Variants in DHX9 observed in about 807,000 individuals in gnomAD.
DHX9 encodes the protein ATP-dependent RNA helicase A.
DHX9 carries 27 observed loss-of-function variants against 148.7 expected under a neutral mutation model. The ratio of observed to expected loss-of-function variants is 0.18; its 90% CI spans 0.13 to 0.25. DHX9 has a LOEUF of 0.25. Ranked by LOEUF, DHX9 falls within the 10% of genes least tolerant of loss-of-function variation. The pLI is 1.00. For synonymous variants in DHX9, 529 were observed against 516.6 expected (o/e 1.02, Z -0.33); for missense variants, 796 against 1,559.6 (o/e 0.51, Z 8.25).
intron 3 of DHX9, among the ~76,000 whole-genome samples, chr1:182,846,008 G>A (rs1557963446): frequency 6.6e-6 from 1 of 152,110 alleles, no homozygotes; most frequent in Non-Finnish European, 1.5e-5. Context: ...GGCCATTGGT[G>A]ACTTGACCTT....
intron 3 of DHX9, among the ~76,000 whole-genome samples, chr1:182,849,355 C>T (rs138161176): frequency 1.8e-4 from 27 of 152,282 alleles, no homozygotes; most frequent in Non-Finnish European, 3.4e-4. Flanking sequence ...GCATCCCAGA[C>T]ATCTTATTCA....
At position 182,860,201 on chromosome 1, in the gene DHX9, C is replaced by A; in HGVS notation, c.1332+17C>A. The stretch of plus-strand genomic sequence containing the variant: ...GTAACTCAGGTAAGTGGTAAACCAA[C>A]CATGAAATACCTAGAGAGCAGACTA... On this transcript the variant is annotated intron_variant, in intron 12 of 27. Coordinates refer to ENST00000367549, the MANE Select transcript of DHX9 (RefSeq NM_001357.5). 6.5e-7 allele frequency: 1 copy of A among 1,541,350 alleles called. No homozygotes were observed. Among genetic ancestry groups the A allele is most frequent in the South Asian group, 1.2e-5 (1 of 81,328 alleles).
At chr1:182,879,435 G>A in intron 21 of DHX9, 25 bp downstream of exon 21, 2 of 1,414,940 alleles carry the variant, frequency 1.4e-6, no homozygotes, top group Non-Finnish European at 1.9e-6. Flanking sequence ...AAACCTACTT[G>A]ACGCAGATAT....
At chr1:182,858,989 G>C (rs1668306442) in intron 10 of DHX9, 51 bp from the exon 11 acceptor site, 2 of 1,611,072 alleles carry the variant, frequency 1.2e-6, no homozygotes, top group Non-Finnish European at 1.7e-6. Context: ...GATTTATTTT[G>C]AAGCTGAATT....
chr1:182,842,476 C>G, intron 1 of DHX9, 69 bp from the exon 2 acceptor site: 1 of 802,152 alleles, frequency 1.2e-6, no homozygotes, highest in Non-Finnish European at 2.0e-6. Flanking sequence ...ATTCAGTAAT[C>G]TAGATAATTG....
At chr1:182,855,652 G>A (rs1668238787) in intron 6 of DHX9, 1 of 985,360 alleles carries the variant, frequency 1.0e-6, no homozygotes, top group Admixed American at 6.1e-5. Context: ...ATTAATGAAA[G>A]GGTGGATGTT....
intron 11 of DHX9, 42 bp downstream of exon 11, chr1:182,859,159 G>GAATGTTC (rs878940730): frequency 1.3e-6 from 2 of 1,569,662 alleles, no homozygotes; most frequent in Admixed American, 3.4e-5. Context: ...CAGAGCTTCA[G>GAATGTTC]AATGTTCTAG....
At chr1:182,853,237 A>T in intron 4 of DHX9, 69 bp from the exon 5 acceptor site, 1 of 1,116,788 alleles carries the variant, frequency 9.0e-7, no homozygotes, top group Non-Finnish European at 1.3e-6. Flanking sequence ...AAATTAGGAT[A>T]ATTCTTTAAT....
At chr1:182,869,641 C>G (rs1437379163) in intron 14 of DHX9, among the ~76,000 whole-genome samples, 2 of 151,414 alleles carry the variant, frequency 1.3e-5, no homozygotes, top group Non-Finnish European at 2.9e-5. Flanking sequence ...CTTGGAGTTT[C>G]ACTCTTCCGC....
chr1:182,853,945 T>A, intron 5 of DHX9, 85 bp from the exon 6 acceptor site: 1 of 1,277,388 alleles, frequency 7.8e-7, no homozygotes. Flanking sequence ...TAAAGGATAG[T>A]ACAAAGACAG....
At chr1:182,843,569 T>A (rs1364974788) in intron 3 of DHX9, 135 bp downstream of exon 3, 2 of 946,596 alleles carry the variant, frequency 2.1e-6, no homozygotes, top group East Asian at 5.9e-5. Context: ...TGGCATCTTG[T>A]TTTGTCTCAG....
At chr1:182,843,960 C>A (rs576338268) in intron 3 of DHX9, among the ~76,000 whole-genome samples, 16 of 152,208 alleles carry the variant, frequency 1.1e-4, no homozygotes, top group African/African-American at 3.9e-4. Context: ...CCACTTCTGG[C>A]AAGTTCTTTG....
At chr1:182,862,388 G>A (rs930874173) in intron 12 of DHX9, among the ~76,000 whole-genome samples, 1 of 152,152 alleles carries the variant, frequency 6.6e-6, no homozygotes, top group Admixed American at 6.5e-5. Flanking sequence ...CTTAAAACCT[G>A]TGGGCTGTAT....
At chr1:182,849,788 T>C (rs1400910543) in intron 3 of DHX9, among the ~76,000 whole-genome samples, 2 of 152,214 alleles carry the variant, frequency 1.3e-5, no homozygotes, top group African/African-American at 4.8e-5. Flanking sequence ...GTACTGCCTC[T>C]ACATATATCT....
At chr1:182,885,765 C>T (rs1649290646) in intron 27 of DHX9, among the ~76,000 whole-genome samples, 1 of 152,214 alleles carries the variant, frequency 6.6e-6, no homozygotes, top group Non-Finnish European at 1.5e-5. Context: ...GGCAACATGG[C>T]TCCTGAAACA....
chr1:182,881,436 G>T lies in DHX9; in HGVS notation c.2786+11G>T, dbSNP rs768622615. On this transcript the variant is annotated intron_variant, in intron 23 of 27. Coordinates refer to ENST00000367549, the MANE Select transcript of DHX9 (RefSeq NM_001357.5). Reference sequence around the variant, plus strand: ...CTGGGATGATGCTAGGTATGAGTAAGATTTGGGTGAGCTGTCTGTAGTTTC... The same window carrying T: ...CTGGGATGATGCTAGGTATGAGTAATATTTGGGTGAGCTGTCTGTAGTTTC... 6.2e-7 allele frequency: 1 copy of T among 1,612,774 alleles called. No homozygotes were observed. Among genetic ancestry groups the T allele is most frequent in the Non-Finnish European group, 8.5e-7 (1 of 1,179,428 alleles).
chr1:182,879,352 C>G lies in DHX9; in HGVS notation c.2454C>G (p.Ala818=), dbSNP rs747976624. The change falls in exon 21 of 28, where the codon GCC becomes GCG. Residue 818 remains alanine, a synonymous_variant. Coordinates refer to ENST00000367549, the MANE Select transcript of DHX9 (RefSeq NM_001357.5). ...TAGGAGGAATTGGCCAATTTCTGGC[C>G]AAAGCAATTGAACCTCCCCCTTTGG... ...LRLGGIGQFL[A]KAIEPPPLDA... The G allele has an allele frequency of 6.5e-7, 1 of 1,536,394 alleles. No homozygotes were observed.
chr1:182,873,978 A>G (rs1028050384), intron 15 of DHX9, among the ~76,000 whole-genome samples: 2 of 152,242 alleles, frequency 1.3e-5, no homozygotes, highest in Admixed American at 1.3e-4. Context: ...AAGCTGGAAC[A>G]GTTTGAGGAA....
At chr1:182,859,428 C>T (rs939435588) in intron 11 of DHX9, among the ~76,000 whole-genome samples, 3 of 151,888 alleles carry the variant, frequency 2.0e-5, no homozygotes, top group Admixed American at 6.6e-5. Flanking sequence ...AATGCGTGTG[C>T]GACTTTCAGG....
Sources: allele counts gnomAD v4.1 joint callset (sites outside exome capture counted in the v4.1 genomes callset), GRCh38; gene constraint gnomAD v4.1.1; transcripts MANE v1.5; gene names NCBI Gene and HGNC (gene_info 2026-07-23, HGNC 2026-07-21).